Variants in LINGO2 observed in about 807,000 individuals in gnomAD.
LINGO2 encodes leucine-rich repeat and immunoglobulin-like domain-containing nogo receptor-interacting protein 2.
Under a neutral mutation model 30.6 loss-of-function variants are expected in LINGO2, and 14 were observed. That is an observed-to-expected ratio of 0.46 (90% CI 0.30 to 0.72). The LOEUF is 0.72. Among genes scored for constraint, LINGO2 ranks in the 30% least tolerant of loss-of-function variants. The probability of loss-of-function intolerance (pLI) is 0.07; values close to 1 mark genes in which losing one functional copy is unlikely to be tolerated. For synonymous variants in LINGO2, 317 were observed against 288.5 expected, an observed-to-expected ratio of 1.10 and a Z score of -1.00; for missense variants, 729 against 751.7, an observed-to-expected ratio of 0.97 and a Z score of 0.35.
intron 4 of LINGO2, among the ~76,000 whole-genome samples, chr9:28,031,673 T>C (rs896166564): frequency 1.2e-4 from 18 of 152,206 alleles, no homozygotes; most frequent in African/African-American, 3.4e-4. Context: ...AATTATGATC[T>C]GCTCTGTCTG....
chr9:28,726,759 AT>A, the LINGO2 span, among the ~76,000 whole-genome samples: 31 of 152,326 alleles, frequency 2.0e-4, no homozygotes, highest in Non-Finnish European at 3.2e-4. Flanking sequence ...TGTAATTTAC[AT>A]TTTCTGACCA....
rs16912848 is a variant in LINGO2 at position 28,398,053 on chromosome 9, A to G, written c.-278-25185T>C. 5.3e-3 allele frequency among the ~76,000 whole-genome samples: 813 copies of G among 152,312 alleles called. 27 individuals carry two copies. In the East Asian group the frequency reaches 0.094, roughly 18 times the overall value. ...AAATTATTGTTGGAGTTAAATTTGCATGTTAAAGAAATGCCATTATAAGTG... is the reference window on the plus strand; with the variant it reads ...AAATTATTGTTGGAGTTAAATTTGCGTGTTAAAGAAATGCCATTATAAGTG... On this transcript the variant is annotated intron_variant, in intron 2 of 5. Coordinates refer to ENST00000379992, the Ensembl canonical transcript of LINGO2.
intron 4 of LINGO2, among the ~76,000 whole-genome samples, chr9:28,157,479 C>T (rs1314322399): frequency 1.3e-5 from 2 of 152,218 alleles, no homozygotes; most frequent in South Asian, 2.1e-4. Context: ...AAAGGGCTGC[C>T]ATGAAGGCCT....
intron 1 of LINGO2, among the ~76,000 whole-genome samples, chr9:28,539,577 C>T (rs184641629): frequency 1.8e-4 from 27 of 152,160 alleles, no homozygotes; most frequent in East Asian, 3.9e-4. Flanking sequence ...ATCTGCCAGA[C>T]TGTGTTACCT....
intron 4 of LINGO2, among the ~76,000 whole-genome samples, chr9:28,096,018 A>G: frequency 6.6e-6 from 1 of 152,096 alleles, no homozygotes. Flanking sequence ...GTGTACACCT[A>G]TAGTCCCAGC....
intron 1 of LINGO2, among the ~76,000 whole-genome samples, chr9:28,632,471 G>A (rs890700182): frequency 1.3e-4 from 19 of 150,864 alleles, no homozygotes; most frequent in African/African-American, 4.4e-4. Flanking sequence ...GGGTTTTCAG[G>A]TGGATTAGTC....
intron 4 of LINGO2, among the ~76,000 whole-genome samples, chr9:28,135,000 G>C (rs922017754): frequency 2.0e-5 from 3 of 152,138 alleles, no homozygotes; most frequent in Non-Finnish European, 2.9e-5. Flanking sequence ...GGCTGCATAG[G>C]CCCACACCAG....
chr9:28,834,976 T>TAA, the LINGO2 span, among the ~76,000 whole-genome samples: 2 of 152,154 alleles, frequency 1.3e-5, no homozygotes, highest in Non-Finnish European at 2.9e-5. Flanking sequence ...AAATGTCTTT[T>TAA]TAAATGAATG....
intron 3 of LINGO2, among the ~76,000 whole-genome samples, chr9:28,346,219 T>C (rs1410589574): frequency 1.3e-5 from 2 of 152,134 alleles, no homozygotes; most frequent in Non-Finnish European, 1.5e-5. Flanking sequence ...AGTCTTCAAG[T>C]AGGCCCCACT....
At chr9:28,249,460 T>A (rs987786573) in intron 4 of LINGO2, among the ~76,000 whole-genome samples, 1 of 152,144 alleles carries the variant, frequency 6.6e-6, no homozygotes, top group Non-Finnish European at 1.5e-5. Context: ...ACAAGAATTA[T>A]TGAAAACGTA....
the LINGO2 span, among the ~76,000 whole-genome samples, chr9:28,933,501 T>C: frequency 7.8e-6 from 1 of 127,696 alleles, no homozygotes; most frequent in Admixed American, 8.6e-5. Context: ...AAGATGGTAG[T>C]AGGAGAAGAC....
intron 4 of LINGO2, among the ~76,000 whole-genome samples, chr9:28,155,993 C>T (rs1828121680): frequency 1.3e-5 from 2 of 152,074 alleles, no homozygotes; most frequent in African/African-American, 4.8e-5. Context: ...AGACACTCAG[C>T]CTATGGTATT....
At chr9:27,957,844 G>C (rs1819652357) in intron 5 of LINGO2, among the ~76,000 whole-genome samples, 1 of 152,192 alleles carries the variant, frequency 6.6e-6, no homozygotes, top group African/African-American at 2.4e-5. Flanking sequence ...CACGAATGTT[G>C]TACGAGCTTC....
chr9:28,842,796 T>G, the LINGO2 span, among the ~76,000 whole-genome samples: 2 of 151,912 alleles, frequency 1.3e-5, no homozygotes, highest in Non-Finnish European at 2.9e-5. Context: ...AGCATTCTTC[T>G]GCAATTCTAA....
chr9:28,703,675 A>G, the LINGO2 span, among the ~76,000 whole-genome samples: 1 of 151,866 alleles, frequency 6.6e-6, no homozygotes, highest in Non-Finnish European at 1.5e-5. Flanking sequence ...GGGTCTGTCC[A>G]TTTTTGATTA....
At chr9:28,345,469 A>T (rs7871180) in intron 3 of LINGO2, among the ~76,000 whole-genome samples, 3 of 152,146 alleles carry the variant, frequency 2.0e-5, no homozygotes, top group Non-Finnish European at 2.9e-5. Context: ...AGGGTAACCT[A>T]TTGCAGCTTT....
chr9:27,944,613 G>T (rs1483359903), downstream of LINGO2: 1 of 152,098 alleles, frequency 6.6e-6, no homozygotes, highest in African/African-American at 2.4e-5. Context: ...AAAACATCAA[G>T]GGTTCTAGCT....
chr9:28,829,192 A>C, the LINGO2 span, among the ~76,000 whole-genome samples: 1 of 152,164 alleles, frequency 6.6e-6, no homozygotes, highest in Non-Finnish European at 1.5e-5. Context: ...ACTTCCTAGA[A>C]GAGTCCTACT....
intron 2 of LINGO2, among the ~76,000 whole-genome samples, chr9:28,373,477 T>A (rs1007076095): frequency 6.6e-6 from 1 of 152,220 alleles, no homozygotes; most frequent in South Asian, 2.1e-4. Context: ...CAAGCCACTT[T>A]TGTCAGGGAA....
Sources: allele counts gnomAD v4.1 joint callset (sites outside exome capture counted in the v4.1 genomes callset), GRCh38; gene constraint gnomAD v4.1.1; transcripts MANE v1.5; gene names NCBI Gene and HGNC (gene_info 2026-07-23, HGNC 2026-07-21).